Variants in SLC9A8 observed in about 807,000 individuals in gnomAD.
SLC9A8 encodes sodium/hydrogen exchanger 8.
A neutral mutation model predicts 66.6 loss-of-function variants in SLC9A8; 48 were observed. The ratio of observed to expected loss-of-function variants is 0.72; its 90% CI spans 0.57 to 0.92. The LOEUF is 0.92. Ranked by LOEUF, SLC9A8 falls within the 40% of genes least tolerant of loss-of-function variation. SLC9A8 has a pLI of 0.00. For missense variants in SLC9A8, 599 were observed against 747.3 expected (o/e 0.80, Z 2.31); for synonymous variants, 274 against 282.6 (o/e 0.97, Z 0.31).
Position 49,880,987 on chromosome 20 carries a change from C to T in SLC9A8, c.1222C>T (p.Arg408Trp), listed in dbSNP as rs751719406. The T allele has an allele frequency of 2.4e-5, 39 of 1,613,762 alleles. No individual in the cohort carries two copies. Among genetic ancestry groups the T allele is most frequent in the South Asian group, 5.5e-5 (5 of 91,078 alleles). The change falls in exon 13 of 16, where the codon CGG (arginine) becomes TGG (tryptophan). Residue 408 changes from arginine to tryptophan, a missense_variant. Physicochemically the swap from Arg to Trp is moderately radical, Grantham distance 101. Coordinates refer to ENST00000361573, the MANE Select transcript of SLC9A8 (RefSeq NM_015266.3). ...TCTTTCCTACCTCCTGAATTTCTTC[C>T]GGGATCATAAAATCACACCGAAGAT... ...FPLSYLLNFFRDHKITPKMMF... is the reference protein window; with the variant it reads ...FPLSYLLNFFWDHKITPKMMF...
rs116586181 is a variant in SLC9A8 at position 49,883,156 on chromosome 20, A to G, written c.1271-690A>G. 7.2e-3 allele frequency among the ~76,000 whole-genome samples: 1,089 copies of G among 151,920 alleles called. 9 individuals are homozygous for G. Among genetic ancestry groups the G allele is most frequent in the African/African-American group, 0.022 (898 of 41,410 alleles). On this transcript the variant is annotated intron_variant, in intron 13 of 15. Coordinates refer to ENST00000361573, the MANE Select transcript of SLC9A8 (RefSeq NM_015266.3). ...CGTATGGCACCAAGGAAGCCAGGAAACTTCTAACAGAGGAATGTGCTGTTT... is the reference window on the plus strand; with the variant it reads ...CGTATGGCACCAAGGAAGCCAGGAAGCTTCTAACAGAGGAATGTGCTGTTT...
intron 3 of SLC9A8, chr20:49,829,386 G>C (rs967626110): frequency 1.3e-5 from 2 of 159,588 alleles, no homozygotes; most frequent in African/African-American, 2.4e-5. Flanking sequence ...TTAGCCAGGC[G>C]TGGTGGCGGG....
intron 3 of SLC9A8, among the ~76,000 whole-genome samples, chr20:49,826,924 G>T (rs536001066): frequency 6.6e-6 from 1 of 151,486 alleles, no homozygotes; most frequent in African/African-American, 2.4e-5. Flanking sequence ...CCATGTATTA[G>T]TTGAGTTCAC....
intron 14 of SLC9A8, among the ~76,000 whole-genome samples, chr20:49,884,336 A>ACACACACACACACACACACC (rs1568884621): frequency 9.2e-5 from 10 of 108,522 alleles, no homozygotes; most frequent in Admixed American, 1.9e-4. Context: ...ACACACACAC[A>ACACACACACACACACACACC]CCCCCCGGTC....
intron 3 of SLC9A8, among the ~76,000 whole-genome samples, chr20:49,835,149 C>T (rs964259940): frequency 1.3e-5 from 2 of 151,148 alleles, no homozygotes; most frequent in South Asian, 4.2e-4. Context: ...TGTAAACCTG[C>T]CATTTGTAGT....
Position 49,878,076 on chromosome 20 carries a change from CTTTT to C in SLC9A8, c.1158+21_1158+24del. On this transcript the variant is annotated intron_variant, in intron 12 of 15. Transcript: ENST00000361573. ...CATCTGGTGCATAGTAAGTATTTTC[CTTTT>C]TTTTTTTAAATTTAATTACTTATTT... The C allele has an allele frequency of 8.4e-7, 1 of 1,194,798 alleles. No homozygotes were observed. Among genetic ancestry groups the C allele is most frequent in the Non-Finnish European group, 1.1e-6 (1 of 881,976 alleles). 74.0% of individuals were successfully genotyped at this position (1,194,798 alleles called of 1,614,324 possible). A position where few individuals can be genotyped will look rare whatever the true frequency, so the allele number is the denominator to read the frequency against.
chr20:49,819,650 C>G (rs1454549327), intron 2 of SLC9A8, among the ~76,000 whole-genome samples: 2 of 152,110 alleles, frequency 1.3e-5, no homozygotes, highest in Non-Finnish European at 2.9e-5. Context: ...TATCTAGTTT[C>G]AGAACATTTT....
intron 4 of SLC9A8, among the ~76,000 whole-genome samples, chr20:49,842,445 A>G (rs1023344992): frequency 1.3e-5 from 2 of 152,232 alleles, no homozygotes; most frequent in Admixed American, 1.3e-4. Flanking sequence ...GATAAAAATG[A>G]AGTAGTACAG....
At chr20:49,877,691 G>A (rs2089474838) in intron 11 of SLC9A8, among the ~76,000 whole-genome samples, 1 of 152,202 alleles carries the variant, frequency 6.6e-6, no homozygotes, top group African/African-American at 2.4e-5. Context: ...ACAGATTCTT[G>A]TGTTTATCAT....
intron 13 of SLC9A8, among the ~76,000 whole-genome samples, chr20:49,881,819 T>A (rs1336567414): frequency 6.6e-6 from 1 of 152,222 alleles, no homozygotes; most frequent in Non-Finnish European, 1.5e-5. Flanking sequence ...AAACTCATTT[T>A]TTTCCTAATC....
chr20:49,882,991 G>A (rs1160061469), intron 13 of SLC9A8, among the ~76,000 whole-genome samples: 4 of 151,026 alleles, frequency 2.6e-5, no homozygotes, highest in East Asian at 2.0e-4. Flanking sequence ...GGTGCTGTCT[G>A]CACCATGCCC....
chr20:49,870,939 A>G (rs1018454687), intron 10 of SLC9A8, among the ~76,000 whole-genome samples: 2 of 152,186 alleles, frequency 1.3e-5, no homozygotes, highest in African/African-American at 2.4e-5. Context: ...GGCTCAAGCA[A>G]TCCACCCACT....
chr20:49,856,714 C>T (rs912833306), intron 8 of SLC9A8, among the ~76,000 whole-genome samples: 7 of 151,766 alleles, frequency 4.6e-5, no homozygotes, highest in African/African-American at 9.7e-5. Flanking sequence ...CCCAGCTACT[C>T]CGGAGGCTGA....
At chr20:49,847,693 C>G (rs965765190) in intron 5 of SLC9A8, among the ~76,000 whole-genome samples, 27 of 152,046 alleles carry the variant, frequency 1.8e-4, no homozygotes, top group African/African-American at 6.3e-4. Context: ...AGCTAGGCAG[C>G]AACTGGTTCT....
intron 3 of SLC9A8, among the ~76,000 whole-genome samples, chr20:49,823,577 A>G (rs2146470589): frequency 6.6e-6 from 1 of 152,308 alleles, no homozygotes; most frequent in African/African-American, 2.4e-5. Context: ...TTAATGCCAG[A>G]GTCAGGTCTA....
chr20:49,856,716 G>A lies in SLC9A8; in HGVS notation c.713+1135G>A, dbSNP rs535495808. 4.0e-3 allele frequency among the ~76,000 whole-genome samples: 608 copies of A among 152,012 alleles called. 8 individuals carry two copies. Among genetic ancestry groups the A allele is most frequent in the African/African-American group, 0.014 (578 of 41,426 alleles). ...GGGTGCCTGTAATCCCAGCTACTCC[G>A]GAGGCTGAGGCAGGAGAATCACTTG... On this transcript the variant is annotated intron_variant, in intron 8 of 15. Transcript: ENST00000361573.
At chr20:49,844,052 C>T (rs185178075) in intron 4 of SLC9A8, among the ~76,000 whole-genome samples, 1 of 152,028 alleles carries the variant, frequency 6.6e-6, no homozygotes, top group Admixed American at 6.6e-5. Context: ...TATCAGATAC[C>T]CAGTCTTGAA....
At chr20:49,827,153 G>A (rs1248102121) in intron 3 of SLC9A8, among the ~76,000 whole-genome samples, 3 of 151,418 alleles carry the variant, frequency 2.0e-5, no homozygotes, top group African/African-American at 4.9e-5. Flanking sequence ...TGTCGGCCAG[G>A]CTGGTCTCGA....
intron 5 of SLC9A8, among the ~76,000 whole-genome samples, chr20:49,846,858 G>A (rs1216458328): frequency 6.6e-6 from 1 of 152,172 alleles, no homozygotes. Context: ...GGGAGGTGGA[G>A]CTTGCAGTGA....
Sources: allele counts gnomAD v4.1 joint callset (sites outside exome capture counted in the v4.1 genomes callset), GRCh38; gene constraint gnomAD v4.1.1; transcripts MANE v1.5; gene names NCBI Gene and HGNC (gene_info 2026-07-23, HGNC 2026-07-21).